MFF: variants seen among roughly 807,000 people sequenced by gnomAD.
MFF encodes the protein mitochondrial fission factor.
In MFF, 12 loss-of-function variants were observed where a neutral mutation model predicts 36.9. That is an observed-to-expected ratio of 0.33 (90% CI 0.21 to 0.53). The LOEUF (loss-of-function observed/expected upper bound fraction) is 0.53, where lower values mean the gene tolerates loss of function less well. Among genes scored for constraint, MFF ranks in the 20% least tolerant of loss-of-function variants. The pLI is 0.95. For synonymous variants in MFF, 99 were observed against 126.2 expected (o/e 0.78, Z 1.44); for missense variants, 348 against 366.6 (o/e 0.95, Z 0.42).
Position 227,351,364 on chromosome 2 carries a change from T to C in MFF, c.600-1150T>C, listed in dbSNP as rs189288638. ...TTTAAGACATGTAGAAGTTAAACAT[T>C]AGAATTTTCTTACATGAATTGAATT... On this transcript the variant is annotated intron_variant, in intron 6 of 8. Transcript: ENST00000304593. 6.7e-4 allele frequency among the ~76,000 whole-genome samples: 102 copies of C among 151,536 alleles called. 1 individual carries two copies. The highest frequency in any genetic ancestry group is 1.6e-3 in the Admixed American group (24 of 15,122).
In MFF at chr2:227,328,785, C is replaced by T. The variant is rs368638829; in HGVS notation, c.-45C>T. ...CAAATAGCAAGCAGTAGTTGTTACA[C>T]ATTTGTGAGTAAAAATGGTCCCTTT... On this transcript the variant is annotated 5_prime_UTR_variant, in exon 2 of 9. Coordinates refer to ENST00000304593, the MANE Select transcript of MFF (RefSeq NM_001277062.2). 1.3e-4 allele frequency: 23 copies of T among 180,040 alleles called. No homozygotes were observed. The highest frequency in any genetic ancestry group is 5.3e-4 in the African/African-American group (23 of 43,674). The allele number at this position is 180,040 out of a possible 1,614,324, so 11.2% of individuals were successfully genotyped here.
At chr2:227,344,110 T>C (rs905577973) in intron 5 of MFF, among the ~76,000 whole-genome samples, 1 of 152,182 alleles carries the variant, frequency 6.6e-6, no homozygotes, top group Non-Finnish European at 1.5e-5. Context: ...ATGTAACTCT[T>C]ATGTGATAAG....
chr2:227,337,214 C>T (rs772954860), intron 4 of MFF, among the ~76,000 whole-genome samples: 32 of 152,248 alleles, frequency 2.1e-4, no homozygotes, highest in Admixed American at 1.0e-3. Flanking sequence ...AGCATGGTCT[C>T]GTCACTCCTG....
chr2:227,350,870 A>G (rs184813439), intron 6 of MFF, among the ~76,000 whole-genome samples: 32 of 152,312 alleles, frequency 2.1e-4, no homozygotes, highest in Admixed American at 1.9e-3. Context: ...TGGTACTTGA[A>G]TGAAGTTTCT....
intron 4 of MFF, among the ~76,000 whole-genome samples, chr2:227,336,475 G>A (rs116081780): frequency 1.3e-5 from 2 of 152,304 alleles, no homozygotes; most frequent in Non-Finnish European, 2.9e-5. Context: ...GAATTAATCT[G>A]GAAAGAGCAA....
chr2:227,355,021 C>T (rs529256050), intron 7 of MFF, among the ~76,000 whole-genome samples: 1 of 152,180 alleles, frequency 6.6e-6, no homozygotes, highest in African/African-American at 2.4e-5. Context: ...ATTAGCCGGG[C>T]ATGGTGGCAG....
rs143519703 is a variant in MFF, at chr2:227,347,303, C to T, written c.518C>T (p.Ala173Val). The change falls in exon 6 of 9, where the codon GCT becomes GTT. Residue 173 changes from alanine (A) to valine (V), a missense_variant. Transcript: ENST00000304593. ...LPEDGANLSSARGILSLIQSS... is the reference protein window; with the variant it reads ...LPEDGANLSSVRGILSLIQSS... ...GAAGATGGAGCTAATCTTTCCTCTG[C>T]TCGTGGCATTTTGTCGCTTATCCAG... The T allele has an allele frequency of 1.2e-6, 2 of 1,613,664 alleles. No individual in the cohort carries two copies. The highest frequency in any genetic ancestry group is 1.7e-6 in the Non-Finnish European group (2 of 1,179,652).
intron 6 of MFF, chr2:227,352,236 G>A (rs2106457060): frequency 6.3e-6 from 2 of 316,142 alleles, no homozygotes; most frequent in South Asian, 1.2e-4. Context: ...ATAAAGTAAA[G>A]CACCAAGAAA....
At chr2:227,335,628 G>T (rs1231146933) in intron 4 of MFF, among the ~76,000 whole-genome samples, 1 of 152,206 alleles carries the variant, frequency 6.6e-6, no homozygotes, top group Non-Finnish European at 1.5e-5. Context: ...GAAGGCTTAT[G>T]AGGAAGCCTA....
At chr2:227,342,054 G>C (rs1317802142) in intron 5 of MFF, among the ~76,000 whole-genome samples, 1 of 151,896 alleles carries the variant, frequency 6.6e-6, no homozygotes, top group African/African-American at 2.4e-5. Context: ...TAACAGAAAA[G>C]ATTTACAGTG....
intron 2 of MFF, chr2:227,330,049 C>A (rs1244360136): frequency 7.1e-6 from 2 of 282,990 alleles, no homozygotes; most frequent in Non-Finnish European, 1.3e-5. Context: ...GTATTCATTG[C>A]ATCTCAGTCA....
chr2:227,340,982 T>C (rs1349838238), intron 5 of MFF, among the ~76,000 whole-genome samples: 1 of 80,534 alleles, frequency 1.2e-5, no homozygotes, highest in Admixed American at 1.7e-4. Context: ...TTTTTAAATA[T>C]AAATTAATAT....
At chr2:227,329,726 C>A in intron 2 of MFF, 2 of 1,508,226 alleles carry the variant, frequency 1.3e-6, no homozygotes, top group Non-Finnish European at 1.8e-6. Flanking sequence ...CTATTATAGA[C>A]CTGTATTTAC....
At chr2:227,332,251 C>T (rs1233403029) in intron 3 of MFF, among the ~76,000 whole-genome samples, 168 bp from the exon 4 acceptor site, 2 of 151,988 alleles carry the variant, frequency 1.3e-5, no homozygotes, top group East Asian at 1.9e-4. Context: ...GGATTACAGG[C>T]GTGAGCCACC....
In MFF at chr2:227,347,849, G is replaced by A. The variant is rs140729029; in HGVS notation, c.599+465G>A. On this transcript the variant is annotated intron_variant, in intron 6 of 8. Transcript: ENST00000304593. ...ACTTTTTTCCTTTCCTCTCAGCTACGGATTTCTAGGCTTGTTTTGAAAATT... is the reference window on the plus strand; with the variant it reads ...ACTTTTTTCCTTTCCTCTCAGCTACAGATTTCTAGGCTTGTTTTGAAAATT... Among the ~76,000 whole-genome samples, 6 of 152,250 alleles carry A rather than the reference G, an allele frequency of 3.9e-5. No homozygotes were observed. The East Asian group carries it at 7.7e-4, about 20-fold the overall frequency.
At chr2:227,333,523 A>T (rs1263234643) in intron 4 of MFF, among the ~76,000 whole-genome samples, 1 of 152,234 alleles carries the variant, frequency 6.6e-6, no homozygotes, top group Admixed American at 6.5e-5. Context: ...TCTCTGAGAT[A>T]CTATATGCAG....
chr2:227,338,094 A>G (rs1308102300), intron 4 of MFF, among the ~76,000 whole-genome samples: 7 of 151,368 alleles, frequency 4.6e-5, no homozygotes, highest in African/African-American at 1.7e-4. Context: ...CAGGCCGGGC[A>G]TGGTGGCTCA....
chr2:227,333,079 G>A (rs1226845174), intron 4 of MFF, among the ~76,000 whole-genome samples: 1 of 152,236 alleles, frequency 6.6e-6, no homozygotes, highest in Non-Finnish European at 1.5e-5. Context: ...CAAGGTGTTA[G>A]TAACAGAGTT....
chr2:227,326,523 G>A (rs911959466), intron 1 of MFF, among the ~76,000 whole-genome samples: 11 of 152,168 alleles, frequency 7.2e-5, no homozygotes, highest in Non-Finnish European at 1.5e-4. Context: ...TTTCCAAAAG[G>A]AAATTGTGTT....
Sources: gnomAD v4.1 joint callset for allele counts (sites outside exome capture counted in the v4.1 genomes callset) on GRCh38, gnomAD v4.1.1 for gene constraint, MANE v1.5 for transcripts, NCBI Gene and HGNC (gene_info 2026-07-23, HGNC 2026-07-21) for gene names.